Variants in PTPRG observed in about 807,000 individuals in gnomAD.
PTPRG encodes protein tyrosine phosphatase receptor type G, also known as receptor-type tyrosine-protein phosphatase gamma.
In PTPRG, 102 loss-of-function variants were observed where a neutral mutation model predicts 165.3. The observed-to-expected ratio is 0.62, with a 90% CI of 0.53 to 0.73. The LOEUF is 0.73. Among genes scored for constraint, PTPRG ranks in the 30% least tolerant of loss-of-function variants. The pLI is 0.00. For synonymous variants in PTPRG, 675 were observed against 669.5 expected (o/e 1.01, Z -0.13); for missense variants, 1,866 against 1,861.4 (o/e 1.00, Z -0.05).
At chr3:62,055,244 T>A (rs1451387749) in intron 4 of PTPRG, among the ~76,000 whole-genome samples, 1 of 152,248 alleles carries the variant, frequency 6.6e-6, no homozygotes, top group Non-Finnish European at 1.5e-5. Context: ...ATTATACTCA[T>A]TTTAAAGATG....
chr3:61,854,816 G>A (rs773429499), intron 2 of PTPRG, among the ~76,000 whole-genome samples: 6 of 152,192 alleles, frequency 3.9e-5, no homozygotes, highest in Non-Finnish European at 7.4e-5. Context: ...CCTAGAGAAG[G>A]ATAATGCTGA....
intron 4 of PTPRG, among the ~76,000 whole-genome samples, chr3:62,019,431 G>A (rs1235404718): frequency 6.6e-6 from 1 of 151,722 alleles, no homozygotes; most frequent in Admixed American, 6.6e-5. Flanking sequence ...GCTGAGAAGG[G>A]AGGATTGCTT....
At chr3:61,785,795 G>A (rs951531692) in intron 2 of PTPRG, among the ~76,000 whole-genome samples, 2 of 152,190 alleles carry the variant, frequency 1.3e-5, no homozygotes, top group African/African-American at 2.4e-5. Flanking sequence ...GAGCAGGGTT[G>A]AACATATAGG....
intron 16 of PTPRG, among the ~76,000 whole-genome samples, chr3:62,259,745 A>G (rs1483949416): frequency 2.6e-5 from 4 of 152,208 alleles, no homozygotes; most frequent in Admixed American, 1.3e-4. Flanking sequence ...AAGATAGGTT[A>G]GTTTTCTAGG....
chr3:61,698,830 T>C (rs926709011), intron 1 of PTPRG, among the ~76,000 whole-genome samples: 2 of 152,328 alleles, frequency 1.3e-5, no homozygotes, highest in Admixed American at 1.3e-4. Context: ...CATGGAATAC[T>C]ATGCAGCCAT....
In PTPRG at chr3:61,714,443, T is replaced by G. The variant is rs1176488022; in HGVS notation, c.86-34435T>G. ...GGAATGTGAATACAATGGCTGGATCTTAAGCAGCCATGATGGGACCACGAG... is the reference window on the plus strand; with the variant it reads ...GGAATGTGAATACAATGGCTGGATCGTAAGCAGCCATGATGGGACCACGAG... On this transcript the variant is annotated intron_variant, in intron 1 of 29. Transcript: ENST00000474889. Among the ~76,000 whole-genome samples, 3 of 152,308 alleles carry G rather than the reference T, an allele frequency of 2.0e-5. No individual in the cohort carries two copies. In the East Asian group the frequency reaches 5.8e-4, roughly 29 times the overall value.
Position 62,255,245 on chromosome 3 carries a change from A to G in PTPRG, c.2559+30A>G, listed in dbSNP as rs773283948. ...GTTTCAAGGCTGGAAGTTAACTTCC[A>G]GAAACCTAAGTCTTACTTTATGCAG... On this transcript the variant is annotated intron_variant, in intron 16 of 29. Coordinates refer to ENST00000474889, the MANE Select transcript of PTPRG (RefSeq NM_002841.4). This position sits in a 1 kb window ranked among gnomAD's most constrained non-coding sequence, Gnocchi z 4.0. 6.5e-7 allele frequency: 1 copy of G among 1,548,962 alleles called. No individual in the cohort carries two copies. The highest frequency in any genetic ancestry group is 1.4e-5 in the African/African-American group (1 of 72,968).
At chr3:61,684,399 T>C (rs1354108467) in intron 1 of PTPRG, among the ~76,000 whole-genome samples, 2 of 152,238 alleles carry the variant, frequency 1.3e-5, no homozygotes, top group Non-Finnish European at 2.9e-5. Context: ...TCTTTTGGCA[T>C]CTTTTGGTTT....
intron 6 of PTPRG, among the ~76,000 whole-genome samples, chr3:62,140,406 C>A (rs1454024851): frequency 6.6e-6 from 1 of 152,170 alleles, no homozygotes; most frequent in African/African-American, 2.4e-5. Flanking sequence ...ACTGTTCATA[C>A]AATGGAATAT....
At chr3:61,868,098 C>G (rs1267041850) in intron 2 of PTPRG, among the ~76,000 whole-genome samples, 2 of 152,140 alleles carry the variant, frequency 1.3e-5, no homozygotes, top group Admixed American at 6.5e-5. Context: ...CTCCCTTAAA[C>G]ACATGAAGAA....
At chr3:61,707,602 C>A (rs1245534860) in intron 1 of PTPRG, among the ~76,000 whole-genome samples, 1 of 152,116 alleles carries the variant, frequency 6.6e-6, no homozygotes, top group Admixed American at 6.6e-5. Flanking sequence ...GTGATCCCAC[C>A]CACATTAGGG....
chr3:62,085,711 C>T lies in PTPRG; in HGVS notation c.615+7453C>T, dbSNP rs528124628. 3.3e-5 allele frequency among the ~76,000 whole-genome samples: 5 copies of T among 152,282 alleles called. No individual in the cohort carries two copies. The South Asian group carries it at 8.3e-4, about 25-fold the overall frequency. On this transcript the variant is annotated intron_variant, in intron 5 of 29. Transcript: ENST00000474889. ...TCTATGTTTTTCTGCCTCTTTCCCCCCTTTCTCCTTCAGATTTTCTAAGCA... is the reference window on the plus strand; with the variant it reads ...TCTATGTTTTTCTGCCTCTTTCCCCTCTTTCTCCTTCAGATTTTCTAAGCA...
chr3:61,887,114 C>A (rs1352182375), intron 2 of PTPRG, among the ~76,000 whole-genome samples: 1 of 86,144 alleles, frequency 1.2e-5, no homozygotes, highest in African/African-American at 4.4e-5. Context: ...AAAGTATAAC[C>A]ATAGCATGCA....
chr3:61,652,481 CTTG>C (rs1475091217), intron 1 of PTPRG, among the ~76,000 whole-genome samples: 1 of 152,094 alleles, frequency 6.6e-6, no homozygotes, highest in East Asian at 1.9e-4. Context: ...GGCCAGGACA[CTTG>C]TTGAGCTCTT....
At chr3:62,119,545 G>C (rs1028503499) in intron 5 of PTPRG, among the ~76,000 whole-genome samples, 1 of 152,202 alleles carries the variant, frequency 6.6e-6, no homozygotes. Flanking sequence ...AGAATCCAGA[G>C]GTCGGCTGGG....
At chr3:61,914,670 C>T (rs1172016860) in intron 2 of PTPRG, among the ~76,000 whole-genome samples, 1 of 152,180 alleles carries the variant, frequency 6.6e-6, no homozygotes, top group African/African-American at 2.4e-5. Context: ...TTCATTAATT[C>T]AATCTTCTTC....
intron 1 of PTPRG, among the ~76,000 whole-genome samples, chr3:61,667,208 T>C (rs1305410402): frequency 2.0e-5 from 3 of 152,176 alleles, no homozygotes; most frequent in Non-Finnish European, 4.4e-5. Flanking sequence ...AGCTGAAAAC[T>C]TAAATGCCTC....
At chr3:61,874,866 A>T (rs1277399090) in intron 2 of PTPRG, among the ~76,000 whole-genome samples, 1 of 152,222 alleles carries the variant, frequency 6.6e-6, no homozygotes, top group African/African-American at 2.4e-5. Context: ...AGACTTCTTC[A>T]CCATGGCATT....
At chr3:61,585,518 G>A (rs142476032) in intron 1 of PTPRG, among the ~76,000 whole-genome samples, 3,018 of 152,158 alleles carry the variant, frequency 0.02, 45 homozygotes, top group Non-Finnish European at 0.033. Flanking sequence ...GCTGAGGAGG[G>A]CGGATTGCTT....
Sources: allele counts gnomAD v4.1 joint callset (sites outside exome capture counted in the v4.1 genomes callset), GRCh38; gene constraint gnomAD v4.1.1; non-coding constraint Gnocchi (gnomAD v3.1); transcripts MANE v1.5; gene names NCBI Gene and HGNC (gene_info 2026-07-23, HGNC 2026-07-21).